The following SLCO3A1 variants were observed in gnomAD, a reference collection of about 807,000 sequenced individuals.
The protein encoded by SLCO3A1 is solute carrier organic anion transporter family member 3A1, also known as PGE1 transporter.
In SLCO3A1, 27 loss-of-function variants were observed where a neutral mutation model predicts 63.1. The ratio of observed to expected loss-of-function variants is 0.43; its 90% confidence interval spans 0.32 to 0.59. SLCO3A1 has a LOEUF of 0.59. SLCO3A1 is among the 20% of genes least tolerant of loss of function. SLCO3A1 has a pLI of 0.09. For synonymous variants in SLCO3A1, 473 were observed against 409.9 expected, an observed-to-expected ratio of 1.15 and a Z score of -1.86; for missense variants, 773 against 945.8, an observed-to-expected ratio of 0.82 and a Z score of 2.40.
At chr15:92,034,383 A>C (rs964673637) in intron 2 of SLCO3A1, among the ~76,000 whole-genome samples, 3 of 149,002 alleles carry the variant, frequency 2.0e-5, no homozygotes, top group African/African-American at 7.5e-5. Flanking sequence ...TATGCTGGAG[A>C]TACTGCTGGA....
chr15:92,101,109 C>T (rs1430953644), intron 3 of SLCO3A1, among the ~76,000 whole-genome samples: 2 of 152,140 alleles, frequency 1.3e-5, no homozygotes, highest in East Asian at 3.9e-4. Context: ...GAGAACTCTC[C>T]CTCAATATCC....
chr15:91,861,760 A>G (rs1897052922), intron 1 of SLCO3A1, among the ~76,000 whole-genome samples: 1 of 151,752 alleles, frequency 6.6e-6, no homozygotes, highest in Non-Finnish European at 1.5e-5. Flanking sequence ...AGTAGCTGGG[A>G]CTACCGGCAC....
Position 91,967,877 on chromosome 15 carries a change from G to T in SLCO3A1, c.646+51419G>T, listed in dbSNP as rs1204333687. On this transcript the variant is annotated intron_variant, in intron 2 of 9. Transcript: ENST00000318445. This position sits in a 1 kb window ranked among gnomAD's most constrained non-coding sequence, Gnocchi z 4.4. ...CTTTCCTTGTCTGCTTTGTCTGCAG[G>T]ATTCAGCACCAAGAGCTCTCAAGAG... Among the ~76,000 whole-genome samples the T allele has an allele frequency of 3.3e-5, 5 of 152,166 alleles. No individual in the cohort carries two copies. The highest frequency in any genetic ancestry group is 1.2e-4 in the African/African-American group (5 of 41,442).
At chr15:91,937,490 T>TG (rs1453847212) in intron 2 of SLCO3A1, among the ~76,000 whole-genome samples, 1 of 151,776 alleles carries the variant, frequency 6.6e-6, no homozygotes, top group East Asian at 1.9e-4. Context: ...GAGGCCGAGG[T>TG]GGGCAGATCA....
intron 2 of SLCO3A1, among the ~76,000 whole-genome samples, chr15:91,955,477 C>T (rs551270653): frequency 1.8e-4 from 28 of 152,258 alleles, no homozygotes; most frequent in Non-Finnish European, 3.5e-4. Context: ...GGACTACAGG[C>T]GTGTGCCGCC....
At chr15:92,105,123 G>A (rs976170983) in intron 4 of SLCO3A1, among the ~76,000 whole-genome samples, 4 of 151,898 alleles carry the variant, frequency 2.6e-5, no homozygotes, top group East Asian at 1.9e-4. Context: ...AAAATTAGCC[G>A]GGCTTGGTGG....
chr15:91,888,739 T>G (rs1897789228), intron 1 of SLCO3A1, among the ~76,000 whole-genome samples: 1 of 152,062 alleles, frequency 6.6e-6, no homozygotes, highest in Admixed American at 6.5e-5. Context: ...TCTTAGTGCT[T>G]TGGAAGACAG....
At chr15:92,136,229 G>A (rs1052520653) in intron 7 of SLCO3A1, among the ~76,000 whole-genome samples, 1 of 152,180 alleles carries the variant, frequency 6.6e-6, no homozygotes, top group Non-Finnish European at 1.5e-5. Flanking sequence ...TAGAAGGCTC[G>A]TAATACAAAT....
At chr15:91,930,966 G>C (rs55792858) in intron 2 of SLCO3A1, among the ~76,000 whole-genome samples, 12,191 of 152,284 alleles carry the variant, frequency 0.08, 569 homozygotes, top group Non-Finnish European at 0.099. Flanking sequence ...GTACCAGCGA[G>C]TGTCATGCAA....
In SLCO3A1 at chr15:92,165,210, C is replaced by G. The variant is rs2048483818; in HGVS notation, c.*2075C>G. On this transcript the variant is annotated 3_prime_UTR_variant, in exon 10 of 10. Coordinates refer to ENST00000318445, the MANE Select transcript of SLCO3A1 (RefSeq NM_013272.4). ...GTGATCAGCTACCTGGGGCAGGATG[C>G]TTCTGAGACAGGCCTTTCAACTGCT... The G allele has an allele frequency of 1.0e-6, 1 of 985,404 alleles. No individual in the cohort carries two copies. The highest frequency in any genetic ancestry group is 1.2e-6 in the Non-Finnish European group (1 of 829,948). The allele number at this position is 985,404 out of a possible 1,614,324, so 61.0% of individuals were successfully genotyped here.
At chr15:92,107,160 A>G (rs2047676768) in intron 4 of SLCO3A1, among the ~76,000 whole-genome samples, 7 of 152,234 alleles carry the variant, frequency 4.6e-5, no homozygotes, top group Admixed American at 4.6e-4. Context: ...TGTGATCTGT[A>G]TACGCACAGG....
chr15:92,085,997 C>T (rs562267502), intron 2 of SLCO3A1, among the ~76,000 whole-genome samples: 3 of 152,254 alleles, frequency 2.0e-5, no homozygotes, highest in South Asian at 2.1e-4. Context: ...CTCCAGAGTA[C>T]GGGAGATCAC....
chr15:91,953,526 C>CGGGTG (rs1192011290), intron 2 of SLCO3A1, among the ~76,000 whole-genome samples: 1 of 152,098 alleles, frequency 6.6e-6, no homozygotes, highest in African/African-American at 2.4e-5. Flanking sequence ...TCAGGCAGAC[C>CGGGTG]GGGTGTGCCA....
intron 2 of SLCO3A1, among the ~76,000 whole-genome samples, chr15:91,990,816 C>G (rs2046117374): frequency 6.6e-6 from 1 of 152,122 alleles, no homozygotes; most frequent in Non-Finnish European, 1.5e-5. Context: ...CTCTTAAACT[C>G]AAATGCCTCC....
chr15:92,010,877 C>G lies in SLCO3A1; in HGVS notation c.647-84004C>G, dbSNP rs2151462018. 1.3e-5 allele frequency among the ~76,000 whole-genome samples: 2 copies of G among 152,316 alleles called. 1 individual carries two copies. Among genetic ancestry groups the G allele is most frequent in the South Asian group, 4.1e-4 (2 of 4,824 alleles). On this transcript the variant is annotated intron_variant, in intron 2 of 9. Transcript: ENST00000318445. ...TCTGAAAAAATAGCTGGGATTCCCC[C>G]TACTCCTCACCACCTCCATCACCAG...
intron 2 of SLCO3A1, among the ~76,000 whole-genome samples, chr15:92,077,256 T>A (rs1051197615): frequency 6.6e-6 from 1 of 152,064 alleles, no homozygotes; most frequent in Non-Finnish European, 1.5e-5. Flanking sequence ...CGAAACCATA[T>A]CAGGGAGGTC....
intron 2 of SLCO3A1, among the ~76,000 whole-genome samples, chr15:92,000,894 C>G (rs958184212): frequency 6.6e-6 from 1 of 152,170 alleles, no homozygotes. Context: ...TTGGGATGCT[C>G]TGTCTCCTGC....
intron 4 of SLCO3A1, among the ~76,000 whole-genome samples, chr15:92,117,753 A>G (rs968285649): frequency 1.3e-5 from 2 of 152,228 alleles, no homozygotes; most frequent in African/African-American, 2.4e-5. Context: ...TCACTCATTC[A>G]TAGTGATTTA....
In SLCO3A1 at chr15:91,880,170, C is replaced by CTATCTATCTATCTATCTATCT. The variant is rs1567168784; in HGVS notation, c.180+26082_180+26083insTATCTATCTATCTATCTATCT. Among the ~76,000 whole-genome samples the CTATCTATCTATCTATCTATCT allele has an allele frequency of 3.7e-4, 47 of 126,242 alleles. 1 individual carries two copies. The highest frequency in any genetic ancestry group is 1.3e-3 in the African/African-American group (41 of 31,688). The allele number at this position is 126,242 out of a possible 152,430, so 82.8% of individuals were successfully genotyped here. On this transcript the variant is annotated intron_variant, in intron 1 of 9. Coordinates refer to ENST00000318445, the MANE Select transcript of SLCO3A1 (RefSeq NM_013272.4). ...CCATCCATCCATCCATCCATCCATC[C>CTATCTATCTATCTATCTATCT]ATCTATCTATCTATCTATCTATCTA...
Sources: gnomAD v4.1 joint callset for allele counts (sites outside exome capture counted in the v4.1 genomes callset) on GRCh38, gnomAD v4.1.1 for gene constraint, Gnocchi (gnomAD v3.1) non-coding constraint, MANE v1.5 for transcripts, NCBI Gene and HGNC (gene_info 2026-07-23, HGNC 2026-07-21) for gene names.